Variants in CCDC80 observed in about 807,000 individuals in gnomAD.
CCDC80 encodes the protein coiled-coil domain-containing protein 80.
A neutral mutation model predicts 78.7 loss-of-function variants in CCDC80; 49 were observed. The observed-to-expected ratio is 0.62, with a 90% CI of 0.50 to 0.79. CCDC80 has a LOEUF of 0.79. Among genes scored for constraint, CCDC80 ranks in the 30% least tolerant of loss-of-function variants. CCDC80 has a pLI of 0.00. For synonymous variants in CCDC80, 488 were observed against 447.0 expected (o/e 1.09, Z -1.16); for missense variants, 1,205 against 1,198.6 (o/e 1.01, Z -0.08).
intron 2 of CCDC80, among the ~76,000 whole-genome samples, chr3:112,634,185 TGCCTTAGTACA>T (rs1936160980): frequency 6.6e-6 from 1 of 152,172 alleles, no homozygotes; most frequent in South Asian, 2.1e-4. Context: ...GCTAATAGTC[TGCCTTAGTACA>T]GCAGGAAACC....
chr3:112,625,337 G>C (rs1403346137), intron 3 of CCDC80, among the ~76,000 whole-genome samples: 1 of 152,314 alleles, frequency 6.6e-6, no homozygotes, highest in East Asian at 1.9e-4. Flanking sequence ...CTTGTGTGGA[G>C]AGAAATCAGG....
intron 4 of CCDC80, 57 bp downstream of exon 4, chr3:112,618,911 A>G (rs1344594751): frequency 1.3e-6 from 2 of 1,554,946 alleles, no homozygotes; most frequent in East Asian, 4.6e-5. Context: ...TAACAAAACA[A>G]TTCAGATTTG....
chr3:112,636,507 A>C (rs544346683), intron 2 of CCDC80, among the ~76,000 whole-genome samples: 2 of 152,352 alleles, frequency 1.3e-5, no homozygotes, highest in South Asian at 4.1e-4. Flanking sequence ...GTAAACAGCT[A>C]AGAAAATTTG....
chr3:112,605,305 TGAAA>T lies in CCDC80; in HGVS notation c.*108_*111del. The T allele has an allele frequency of 1.5e-6, 1 of 686,040 alleles. No individual in the cohort carries two copies. The highest frequency in any genetic ancestry group is 2.4e-6 in the Non-Finnish European group (1 of 416,846). 42.5% of individuals were successfully genotyped at this position (686,040 alleles called of 1,614,324 possible). A position where few individuals can be genotyped will look rare whatever the true frequency, so the allele number is the denominator to read the frequency against. On this transcript the variant is annotated 3_prime_UTR_variant, in exon 8 of 8. Transcript: ENST00000206423. ...TATTTATTTAGTCTTAGAAAAACAC[TGAAA>T]GAAAAAGGCAGGAAATGTAGTACGC...
chr3:112,599,810 T>C lies in CCDC80; in HGVS notation c.*5607A>G, dbSNP rs1935343488. Reference sequence around the variant, plus strand: ...ATGTAGCAGAAAAGGATCTTTCTGCTGAATTAATATTCACCTCAGAGCCCT... The same window carrying C: ...ATGTAGCAGAAAAGGATCTTTCTGCCGAATTAATATTCACCTCAGAGCCCT... On this transcript the variant is annotated 3_prime_UTR_variant, in exon 8 of 8. Transcript: ENST00000206423. The C allele has an allele frequency of 6.6e-6, 1 of 152,234 alleles. No homozygotes were observed. Among genetic ancestry groups the C allele is most frequent in the Admixed American group, 6.5e-5 (1 of 15,282 alleles). The allele number at this position is 152,234 out of a possible 1,614,324, so 9.4% of individuals were successfully genotyped here.
In CCDC80 at chr3:112,638,780, T is replaced by C; in HGVS notation, c.1126A>G (p.Met376Val). 5.6e-6 allele frequency: 9 copies of C among 1,613,704 alleles called. No individual in the cohort carries two copies. Among genetic ancestry groups the C allele is most frequent in the East Asian group, 4.5e-5 (2 of 44,856 alleles). Residue 376 changes from methionine to valine, a missense_variant, in exon 2 of 8, where the codon ATG becomes GTG. By Grantham distance (21) the Met-to-Val change is conservative. Coordinates refer to ENST00000206423, the MANE Select transcript of CCDC80 (RefSeq NM_199511.3). Reference sequence around the variant, plus strand: ...GTGGTGGGAAAGGCAGTGGTGGTCATAGGTCTTGCAGCAACTGTTACCGCC... The same window carrying C: ...GTGGTGGGAAAGGCAGTGGTGGTCACAGGTCTTGCAGCAACTGTTACCGCC... ...SRAVTVAARP[M>V]TTTAFPTTQR...
intron 3 of CCDC80, among the ~76,000 whole-genome samples, chr3:112,620,330 TG>T (rs796229442): frequency 6.6e-6 from 1 of 152,176 alleles, no homozygotes; most frequent in South Asian, 2.1e-4. Context: ...CAGTGCTTCA[TG>T]GAGGTGGTCC....
rs527737407 is a variant in CCDC80, at chr3:112,597,638, C to G, written c.*7779G>C. 1.3e-5 allele frequency: 2 copies of G among 152,252 alleles called. No homozygotes were observed. The highest frequency in any genetic ancestry group is 1.3e-4 in the Admixed American group (2 of 15,290). 9.4% of individuals were successfully genotyped at this position (152,252 alleles called of 1,614,324 possible). On this transcript the variant is annotated 3_prime_UTR_variant, in exon 8 of 8. Coordinates refer to ENST00000206423, the MANE Select transcript of CCDC80 (RefSeq NM_199511.3). ...AGAGGTAAAAAATCTTCAGGAGAAA[C>G]TGTGCCTGAACTGTGAGTATCCAGA...
chr3:112,598,493 A>G lies in CCDC80; in HGVS notation c.*6924T>C, dbSNP rs1454069300. The G allele has an allele frequency of 1.3e-5, 2 of 152,326 alleles. No homozygotes were observed. The highest frequency in any genetic ancestry group is 2.9e-5 in the Non-Finnish European group (2 of 68,118). 9.4% of individuals were successfully genotyped at this position (152,326 alleles called of 1,614,324 possible). ...ACTTATTGCAGAGGAGAAAAGCCAA[A>G]GAACGTTTGCCCATGGGCAGTCTTA... On this transcript the variant is annotated 3_prime_UTR_variant, in exon 8 of 8. Transcript: ENST00000206423.
intron 2 of CCDC80, among the ~76,000 whole-genome samples, chr3:112,634,628 A>G (rs1417532548): frequency 6.6e-6 from 1 of 152,234 alleles, no homozygotes; most frequent in Non-Finnish European, 1.5e-5. Flanking sequence ...ATTTGTGCTT[A>G]GCAATCATTT....
Position 112,605,377 on chromosome 3 carries a change from G to T in CCDC80, c.*40C>A. The T allele has an allele frequency of 7.0e-7, 1 of 1,421,946 alleles. No individual in the cohort carries two copies. Among genetic ancestry groups the T allele is most frequent in the Non-Finnish European group, 9.8e-7 (1 of 1,024,122 alleles). 88.1% of individuals were successfully genotyped at this position (1,421,946 alleles called of 1,614,324 possible). ...CTGGCCACATGTAGTTTTAGCAGCT[G>T]CAGAGGAAACTGGCTGAGTCTAAGG... On this transcript the variant is annotated 3_prime_UTR_variant, in exon 8 of 8. Coordinates refer to ENST00000206423, the MANE Select transcript of CCDC80 (RefSeq NM_199511.3).
In CCDC80 at chr3:112,638,201, T is replaced by C. The variant is rs1236760052; in HGVS notation, c.1705A>G (p.Met569Val). Residue 569 changes from methionine (M) to valine (V), a missense_variant, in exon 2 of 8, where the codon ATG (methionine) becomes GTG (valine). Transcript: ENST00000206423. The part of the protein sequence containing the change: ...ADKLLKSEKQ[M>V]KKSEKKSKQE... ...TTGCTCTTTTTCTCAGACTTCTTCA[T>C]TTGCTTTTCACTCTTAAGTAACTTG... The C allele has an allele frequency of 1.2e-6, 2 of 1,613,060 alleles. No homozygotes were observed. Among genetic ancestry groups the C allele is most frequent in the Non-Finnish European group, 1.7e-6 (2 of 1,179,198 alleles).
chr3:112,627,296 G>A (rs1052253642), intron 3 of CCDC80, among the ~76,000 whole-genome samples: 5 of 152,076 alleles, frequency 3.3e-5, no homozygotes, highest in African/African-American at 1.2e-4. Context: ...TATGTGTTAG[G>A]CCATTTTAAA....
At chr3:112,609,431 T>G (rs1034278409) in intron 6 of CCDC80, among the ~76,000 whole-genome samples, 4 of 152,234 alleles carry the variant, frequency 2.6e-5, no homozygotes, top group African/African-American at 9.6e-5. Flanking sequence ...ATCTTGCTAC[T>G]TTCTTAGTGC....
Position 112,598,021 on chromosome 3 carries a change from G to C in CCDC80, c.*7396C>G, listed in dbSNP as rs1043096918. The C allele has an allele frequency of 6.6e-6, 1 of 152,144 alleles. No individual in the cohort carries two copies. The highest frequency in any genetic ancestry group is 1.5e-5 in the Non-Finnish European group (1 of 68,040). 9.4% of individuals were successfully genotyped at this position (152,144 alleles called of 1,614,324 possible). ...AGTCTAAATTTTAAGTTAGTATCCT[G>C]TATTAAGAACTGGGTTGATCAAATG... On this transcript the variant is annotated 3_prime_UTR_variant, in exon 8 of 8. Transcript: ENST00000206423.
At chr3:112,627,004 C>T (rs1162924439) in intron 3 of CCDC80, among the ~76,000 whole-genome samples, 3 of 152,190 alleles carry the variant, frequency 2.0e-5, no homozygotes, top group African/African-American at 7.2e-5. Flanking sequence ...TATCAAAAAA[C>T]TTCCCTTGCC....
At position 112,639,308 on chromosome 3, in the gene CCDC80, C is replaced by G. The variant is rs563161866; in HGVS notation, c.598G>C (p.Val200Leu). The G allele has an allele frequency of 1.9e-6, 3 of 1,614,202 alleles. No individual in the cohort carries two copies. The highest frequency in any genetic ancestry group is 2.7e-5 in the African/African-American group (2 of 75,034). Reference sequence around the variant, plus strand: ...TGGCCCTCGCTGGTGATCCTTCTCACCTTGCCTCCTTCCTCACCTGCCTGG... The same window carrying G: ...TGGCCCTCGCTGGTGATCCTTCTCAGCTTGCCTCCTTCCTCACCTGCCTGG... ...FHQAGEEGGKVRRITSEGQIL... is the reference protein window; with the variant it reads ...FHQAGEEGGKLRRITSEGQIL... The change falls in exon 2 of 8, where the codon GTG becomes CTG. Residue 200 changes from valine (V) to leucine (L), a missense_variant. Physicochemically the swap from Val to Leu is conservative, Grantham distance 32. Coordinates refer to ENST00000206423, the MANE Select transcript of CCDC80 (RefSeq NM_199511.3).
chr3:112,610,619 C>T (rs1935603882), intron 5 of CCDC80, among the ~76,000 whole-genome samples: 1 of 152,110 alleles, frequency 6.6e-6, no homozygotes, highest in Non-Finnish European at 1.5e-5. Flanking sequence ...CCTGGAAAAA[C>T]GAAACCCTAT....
chr3:112,608,354 AT>A (rs993776357), intron 6 of CCDC80, among the ~76,000 whole-genome samples: 1 of 151,734 alleles, frequency 6.6e-6, no homozygotes. Flanking sequence ...ATTCAAAAAA[AT>A]TTTTTTTTCA....
Sources: allele counts gnomAD v4.1 joint callset (sites outside exome capture counted in the v4.1 genomes callset), GRCh38; gene constraint gnomAD v4.1.1; transcripts MANE v1.5; gene names NCBI Gene and HGNC (gene_info 2026-07-23, HGNC 2026-07-21).